MSRB3: variants seen among roughly 807,000 people sequenced by gnomAD.
The protein encoded by MSRB3 is methionine-R-sulfoxide reductase B3.
Under a neutral mutation model 21.0 loss-of-function variants are expected in MSRB3, and 13 were observed. The observed-to-expected ratio is 0.62, with a 90% CI of 0.40 to 0.98. MSRB3 has a LOEUF of 0.98. Ranked by LOEUF, MSRB3 falls within the 50% of genes least tolerant of loss-of-function variation. MSRB3 has a pLI of 0.00. For synonymous variants in MSRB3, 87 were observed against 88.6 expected, an observed-to-expected ratio of 0.98 and a Z score of 0.10; for missense variants, 199 against 230.3, an observed-to-expected ratio of 0.86 and a Z score of 0.88.
chr12:65,368,883 T>C (rs1327574966), intron 4 of MSRB3, 115 bp from the exon 5 acceptor site: 2 of 685,692 alleles, frequency 2.9e-6, no homozygotes, highest in South Asian at 3.3e-5. Flanking sequence ...TTTAGAAATA[T>C]ACACTGAAAA....
chr12:65,418,949 C>T (rs1405559874), intron 5 of MSRB3: 9 of 711,520 alleles, frequency 1.3e-5, no homozygotes, highest in African/African-American at 5.2e-5. Context: ...TGGTGCTGCC[C>T]CTCTGCCCGG....
At chr12:65,433,766 A>G (rs976139753) in intron 5 of MSRB3, among the ~76,000 whole-genome samples, 1 of 151,876 alleles carries the variant, frequency 6.6e-6, no homozygotes, top group Admixed American at 6.6e-5. Context: ...TCCCTTCCCC[A>G]GGGTTGCTAT....
At chr12:65,293,874 T>G (rs941357332) in intron 1 of MSRB3, among the ~76,000 whole-genome samples, 1 of 152,160 alleles carries the variant, frequency 6.6e-6, no homozygotes, top group Non-Finnish European at 1.5e-5. Context: ...TGGTGTGTGT[T>G]TGTTTTAATC....
intron 1 of MSRB3, among the ~76,000 whole-genome samples, chr12:65,300,939 C>T (rs1287664200): frequency 1.3e-5 from 2 of 152,150 alleles, no homozygotes; most frequent in Non-Finnish European, 2.9e-5. Flanking sequence ...GCCACATGTT[C>T]CTACCCAACC....
rs1235658167 is a variant in MSRB3 at position 65,285,275 on chromosome 12, T to C, written c.-52+6410T>C. The C allele has an allele frequency of 2.6e-5, 4 of 152,250 alleles. 1 individual carries two copies. Among genetic ancestry groups the C allele is most frequent in the Non-Finnish European group, 5.9e-5 (4 of 68,050 alleles). The allele number at this position is 152,250 out of a possible 1,614,324, so 9.4% of individuals were successfully genotyped here. On this transcript the variant is annotated intron_variant, in intron 1 of 6. Coordinates refer to ENST00000308259, the MANE Select transcript of MSRB3 (RefSeq NM_001031679.3). ...TGTTGACTGCAAGGTTCCTGTACAC[T>C]TACTTGAGTTGGCCACTCCGGTCAC... is the stretch of plus-strand genomic sequence containing the variant.
At chr12:65,429,803 C>T (rs551215461) in intron 5 of MSRB3, among the ~76,000 whole-genome samples, 85 of 152,246 alleles carry the variant, frequency 5.6e-4, no homozygotes, top group Non-Finnish European at 9.7e-4. Flanking sequence ...ATGATGATTG[C>T]AGAGGAACTG....
chr12:65,377,168 C>A (rs1878672117), intron 5 of MSRB3, among the ~76,000 whole-genome samples: 1 of 152,234 alleles, frequency 6.6e-6, no homozygotes, highest in Non-Finnish European at 1.5e-5. Flanking sequence ...AATGCTGACT[C>A]TTGTAGCACT....
chr12:65,331,624 C>T (rs968940816), intron 4 of MSRB3, among the ~76,000 whole-genome samples: 4 of 152,184 alleles, frequency 2.6e-5, no homozygotes, highest in African/African-American at 7.2e-5. Context: ...ACCATGTGAG[C>T]GGAGCGCCAG....
chr12:65,436,242 C>A (rs947706657), intron 5 of MSRB3, among the ~76,000 whole-genome samples: 1 of 151,772 alleles, frequency 6.6e-6, no homozygotes, highest in African/African-American at 2.4e-5. Context: ...AAGTTTGTCA[C>A]CAATAGAAAC....
chr12:65,419,685 G>C (rs1881176239), intron 5 of MSRB3: 13 of 748,268 alleles, frequency 1.7e-5, no homozygotes, highest in Non-Finnish European at 3.1e-5. Flanking sequence ...GGTGCTCCCA[G>C]ATTTTACTCT....
chr12:65,465,708 C>T lies in MSRB3; in HGVS notation c.*2386C>T, dbSNP rs1234524566. ...AGGTTCCAAGACATTTCACCCCAGG[C>T]CCTGGGTTCACTCTGGAATTCGTAG... On this transcript the variant is annotated 3_prime_UTR_variant, in exon 7 of 7. Transcript: ENST00000308259. 1 of 152,156 alleles carries T rather than the reference C, an allele frequency of 6.6e-6. No individual in the cohort carries two copies. Among genetic ancestry groups the T allele is most frequent in the Non-Finnish European group, 1.5e-5 (1 of 68,028 alleles). 9.4% of individuals were successfully genotyped at this position (152,156 alleles called of 1,614,324 possible).
At chr12:65,367,760 G>A (rs944966572) in intron 4 of MSRB3, among the ~76,000 whole-genome samples, 4 of 152,168 alleles carry the variant, frequency 2.6e-5, no homozygotes, top group African/African-American at 9.7e-5. Flanking sequence ...GGAAGACAAA[G>A]GTTGAGATGA....
intron 5 of MSRB3, among the ~76,000 whole-genome samples, chr12:65,435,726 T>C (rs924085665): frequency 2.0e-5 from 3 of 151,890 alleles, no homozygotes; most frequent in Admixed American, 2.0e-4. Context: ...CAACATTTCT[T>C]CTACTCTGAA....
intron 4 of MSRB3, among the ~76,000 whole-genome samples, chr12:65,357,636 C>T (rs1257415823): frequency 6.6e-6 from 1 of 151,852 alleles, no homozygotes; most frequent in Non-Finnish European, 1.5e-5. Flanking sequence ...CTTCTGTCTC[C>T]TTAGTCTTCT....
At chr12:65,356,108 T>G (rs1359652186) in intron 4 of MSRB3, among the ~76,000 whole-genome samples, 1 of 151,900 alleles carries the variant, frequency 6.6e-6, no homozygotes, top group Non-Finnish European at 1.5e-5. Context: ...TTCTTATTAG[T>G]TTTGCTTGGG....
chr12:65,285,204 C>T (rs561889707), intron 1 of MSRB3: 22 of 152,280 alleles, frequency 1.4e-4, no homozygotes, highest in African/African-American at 4.6e-4. Flanking sequence ...AAATCACATA[C>T]TTCCCTCATT....
chr12:65,335,258 A>C (rs1875687907), intron 4 of MSRB3, among the ~76,000 whole-genome samples: 1 of 152,188 alleles, frequency 6.6e-6, no homozygotes, highest in Non-Finnish European at 1.5e-5. Context: ...CAGCCTAAAA[A>C]ATCCTTACAA....
chr12:65,391,232 C>A (rs576495854), intron 5 of MSRB3, among the ~76,000 whole-genome samples: 8 of 152,246 alleles, frequency 5.3e-5, no homozygotes, highest in East Asian at 1.9e-4. Flanking sequence ...ACAAGGGAAC[C>A]AATCATCTCA....
chr12:65,416,325 C>T lies in MSRB3; in HGVS notation c.293-37403C>T, dbSNP rs538024971. ...ACTTACCCTGGTTGTGATTCTATCT[C>T]CTCGTTCTAAACAGAGTCCTGGAAT... On this transcript the variant is annotated intron_variant, in intron 5 of 6. Transcript: ENST00000308259. 2.0e-5 allele frequency among the ~76,000 whole-genome samples: 3 copies of T among 152,338 alleles called. No individual in the cohort carries two copies. In the East Asian group the frequency reaches 5.8e-4, roughly 29 times the overall value.
Sources: gnomAD v4.1 joint callset for allele counts (sites outside exome capture counted in the v4.1 genomes callset) on GRCh38, gnomAD v4.1.1 for gene constraint, MANE v1.5 for transcripts, NCBI Gene and HGNC (gene_info 2026-07-23, HGNC 2026-07-21) for gene names.